Variants in KCNT2 observed in about 807,000 individuals in gnomAD.
KCNT2 encodes potassium channel subfamily T member 2.
A neutral mutation model predicts 153.8 loss-of-function variants in KCNT2; 67 were observed. The observed-to-expected ratio is 0.44, with a 90% CI of 0.36 to 0.53. The LOEUF is 0.53. Among genes scored for constraint, KCNT2 ranks in the 20% least tolerant of loss-of-function variants. The pLI is 0.00. For synonymous variants in KCNT2, 500 were observed against 458.8 expected, an observed-to-expected ratio of 1.09 and a Z score of -1.15; for missense variants, 975 against 1,354.8, an observed-to-expected ratio of 0.72 and a Z score of 4.40.
rs532896995 is a variant in KCNT2, at chr1:196,487,027, C to T, written c.275+2811G>A. The stretch of plus-strand genomic sequence containing the variant: ...AGGATGTTACGGAGAAGACTGATAA[C>T]TAACTCTTTGAAAGAATGGACATTA... On this transcript the variant is annotated intron_variant, in intron 3 of 27. Transcript: ENST00000294725. Among the ~76,000 whole-genome samples, 7 of 152,038 alleles carry T rather than the reference C, an allele frequency of 4.6e-5. No individual in the cohort carries two copies. The East Asian group carries it at 1.4e-3, about 29-fold the overall frequency.
chr1:196,516,597 A>G (rs1682074793), intron 1 of KCNT2, among the ~76,000 whole-genome samples: 2 of 152,166 alleles, frequency 1.3e-5, no homozygotes, highest in South Asian at 4.1e-4. Context: ...GCTGGAGCAG[A>G]CCACAACACA....
At chr1:196,504,090 AATT>A in intron 1 of KCNT2, among the ~76,000 whole-genome samples, 1 of 152,104 alleles carries the variant, frequency 6.6e-6, no homozygotes, top group Non-Finnish European at 1.5e-5. Flanking sequence ...GGGTTTTTTT[AATT>A]ATTATTATAC....
intron 8 of KCNT2, among the ~76,000 whole-genome samples, chr1:196,433,527 A>T (rs1045547083): frequency 5.9e-5 from 9 of 152,094 alleles, no homozygotes; most frequent in African/African-American, 1.9e-4. Context: ...CTTTATGTAT[A>T]TAACTTTGAA....
At chr1:196,424,281 G>T (rs1484669684) in intron 11 of KCNT2, among the ~76,000 whole-genome samples, 2 of 151,882 alleles carry the variant, frequency 1.3e-5, no homozygotes, top group Non-Finnish European at 2.9e-5. Context: ...AAATTTGTTA[G>T]ATGGAAAGAA....
At chr1:196,536,008 T>C (rs1365250274) in intron 1 of KCNT2, among the ~76,000 whole-genome samples, 2 of 152,202 alleles carry the variant, frequency 1.3e-5, no homozygotes, top group Non-Finnish European at 2.9e-5. Flanking sequence ...GCTGAGGGCA[T>C]CCTCCAGGCA....
intron 1 of KCNT2, among the ~76,000 whole-genome samples, chr1:196,547,137 C>A (rs146166114): frequency 6.6e-6 from 1 of 151,950 alleles, no homozygotes; most frequent in Non-Finnish European, 1.5e-5. Context: ...GTACTCATCA[C>A]ACTTCCTTGT....
chr1:196,434,388 T>C (rs749918378), intron 8 of KCNT2, among the ~76,000 whole-genome samples: 1 of 152,052 alleles, frequency 6.6e-6, no homozygotes, highest in Non-Finnish European at 1.5e-5. Context: ...TTAAAATGTA[T>C]ATTTCTTAAT....
At chr1:196,374,877 A>G (rs1385933896) in intron 13 of KCNT2, among the ~76,000 whole-genome samples, 2 of 151,818 alleles carry the variant, frequency 1.3e-5, no homozygotes, top group Non-Finnish European at 3.0e-5. Context: ...ATGTACATTT[A>G]TTACCACATA....
chr1:196,471,814 T>C (rs1678131808), intron 5 of KCNT2, among the ~76,000 whole-genome samples: 1 of 152,228 alleles, frequency 6.6e-6, no homozygotes, highest in African/African-American at 2.4e-5. Flanking sequence ...TTGTTTCCGA[T>C]TTTTCTTCCA....
chr1:196,447,356 C>T (rs530224088), intron 8 of KCNT2, among the ~76,000 whole-genome samples: 6 of 151,456 alleles, frequency 4.0e-5, no homozygotes, highest in East Asian at 2.0e-4. Flanking sequence ...TAAAGGAGGC[C>T]GAAAGCTAAG....
In KCNT2 at chr1:196,313,996, G is replaced by A. The variant is rs547114436; in HGVS notation, c.2483+1896C>T. Among the ~76,000 whole-genome samples, 5 of 151,542 alleles carry A rather than the reference G, an allele frequency of 3.3e-5. 1 individual carries two copies. Among genetic ancestry groups the A allele is most frequent in the African/African-American group, 1.2e-4 (5 of 41,394 alleles). On this transcript the variant is annotated intron_variant, in intron 21 of 27. Transcript: ENST00000294725. ...AAGTGGTAATCACATCTTCAGCTAG[G>A]TACTCAGAGTAACATAGCCTTTGCA...
intron 8 of KCNT2, among the ~76,000 whole-genome samples, chr1:196,453,325 A>G (rs1676382975): frequency 6.6e-6 from 1 of 151,846 alleles, no homozygotes; most frequent in Non-Finnish European, 1.5e-5. Flanking sequence ...AGCAACATTG[A>G]GGGATGCTTT....
chr1:196,574,711 T>C (rs1661153366), intron 1 of KCNT2, among the ~76,000 whole-genome samples: 1 of 152,048 alleles, frequency 6.6e-6, no homozygotes, highest in Non-Finnish European at 1.5e-5. Flanking sequence ...TTAAAATTGT[T>C]GAGAATCTAA....
At chr1:196,508,215 TAAAG>T (rs1681316369) in intron 1 of KCNT2, among the ~76,000 whole-genome samples, 1 of 85,838 alleles carries the variant, frequency 1.2e-5, no homozygotes, top group Non-Finnish European at 2.5e-5. Context: ...AAAAAAAAAG[TAAAG>T]AAAGAAACAG....
chr1:196,600,285 T>A (rs920332365), intron 1 of KCNT2, among the ~76,000 whole-genome samples: 1 of 152,254 alleles, frequency 6.6e-6, no homozygotes, highest in African/African-American at 2.4e-5. Flanking sequence ...GAAATATCCC[T>A]GTGTCTTAGG....
At chr1:196,470,755 C>T (rs1480554672) in intron 5 of KCNT2, among the ~76,000 whole-genome samples, 2 of 152,248 alleles carry the variant, frequency 1.3e-5, no homozygotes, top group African/African-American at 4.8e-5. Flanking sequence ...GAAGTAGAAA[C>T]ATCAGATAGG....
chr1:196,445,005 G>A (rs972903927), intron 8 of KCNT2, among the ~76,000 whole-genome samples: 2 of 151,268 alleles, frequency 1.3e-5, no homozygotes, highest in African/African-American at 4.8e-5. Flanking sequence ...TCTAAGTTGT[G>A]AGCCCTTTAT....
At chr1:196,470,573 C>T (rs1356432655) in intron 5 of KCNT2, among the ~76,000 whole-genome samples, 1 of 152,114 alleles carries the variant, frequency 6.6e-6, no homozygotes, top group Non-Finnish European at 1.5e-5. Context: ...TTCAAAGGCT[C>T]CAGATAGGCC....
intron 8 of KCNT2, among the ~76,000 whole-genome samples, chr1:196,451,407 A>ATT (rs35621901): frequency 4.1e-4 from 26 of 62,896 alleles, no homozygotes; most frequent in Admixed American, 7.5e-4. Context: ...CACCCAACAC[A>ATT]TTTTTTTTTT....
Sources: allele counts gnomAD v4.1 joint callset (sites outside exome capture counted in the v4.1 genomes callset), GRCh38; gene constraint gnomAD v4.1.1; transcripts MANE v1.5; gene names NCBI Gene and HGNC (gene_info 2026-07-23, HGNC 2026-07-21).